Variants in NHP2 observed in about 807,000 individuals in gnomAD.
NHP2 encodes the protein H/ACA ribonucleoprotein complex subunit 2.
In NHP2, 10 loss-of-function variants were observed where a neutral mutation model predicts 16.7. The ratio of observed to expected loss-of-function variants is 0.60; its 90% confidence interval spans 0.37 to 1.01. NHP2 has a LOEUF of 1.01. Among genes scored for constraint, NHP2 ranks in the 50% least tolerant of loss-of-function variants. NHP2 has a pLI of 0.01. For missense variants in NHP2, 184 were observed against 198.3 expected (o/e 0.93, Z 0.43); for synonymous variants, 87 against 78.9 (o/e 1.10, Z -0.54).
rs769920343 is a variant in NHP2 at position 178,153,539 on chromosome 5, C to T, written c.182G>A (p.Arg61Gln). 15 of 1,614,074 alleles carry T rather than the reference C, an allele frequency of 9.3e-6. No homozygotes were observed. The highest frequency in any genetic ancestry group is 5.0e-5 in the Admixed American group (3 of 59,990). The change falls in exon 2 of 4, where the codon CGG becomes CAG. Residue 61 changes from arginine to glutamine, a missense_variant. Transcript: ENST00000274606. ...TTTCTGAACCTCTTTCACCCCGCGC[C>T]GAATCTGCTTCTGCTTCACCGCTGC... is the stretch of plus-strand genomic sequence containing the variant. ...IKKAVKQKQIRRGVKEVQKFV... is the reference protein window; with the variant it reads ...IKKAVKQKQIQRGVKEVQKFV...
chr5:178,151,385 C>T (rs1466562674), intron 2 of NHP2, among the ~76,000 whole-genome samples: 1 of 152,134 alleles, frequency 6.6e-6, no homozygotes, highest in Non-Finnish European at 1.5e-5. Flanking sequence ...GGGGACACCC[C>T]CAAGACCTTG....
At chr5:178,152,427 G>GA (rs1317122768) in intron 2 of NHP2, among the ~76,000 whole-genome samples, 1 of 145,320 alleles carries the variant, frequency 6.9e-6, no homozygotes, top group Admixed American at 7.3e-5. Context: ...TGTGACTGCT[G>GA]AGGGAAACTT....
chr5:178,150,617 A>T (rs2113467469), intron 3 of NHP2: 1 of 617,978 alleles, frequency 1.6e-6, no homozygotes, highest in East Asian at 3.3e-5. Context: ...TCCTGTCCTC[A>T]ACTGATCCTC....
At position 178,149,489 on chromosome 5, in the gene NHP2, A is replaced by G. The variant is rs2113461406; in HGVS notation, c.*224T>C. The G allele has an allele frequency of 1.8e-6, 1 of 545,818 alleles. No homozygotes were observed. Among genetic ancestry groups the G allele is most frequent in the Non-Finnish European group, 3.3e-6 (1 of 300,182 alleles). The allele number at this position is 545,818 out of a possible 1,614,324, so 33.8% of individuals were successfully genotyped here. On this transcript the variant is annotated 3_prime_UTR_variant, in exon 4 of 4. Transcript: ENST00000274606. ...TTTAGTCTTAGCATTTACTTTCCCC[A>G]CCCCACATTCTTGGAACAGCCTTTA...
At chr5:178,153,346 G>A in intron 2 of NHP2, 145 bp downstream of exon 2, 1 of 792,256 alleles carries the variant, frequency 1.3e-6, no homozygotes. Context: ...TACCGGTATT[G>A]TACCAAAGGG....
chr5:178,150,980 C>T lies in NHP2; in HGVS notation c.244G>A (p.Ala82Thr). Residue 82 changes from alanine (A) to threonine (T), a missense_variant, in exon 3 of 4, where the codon GCA becomes ACA. Physicochemically the swap from Ala to Thr is moderately conservative, Grantham distance 58. Transcript: ENST00000274606. ...ACCTCAATGGGCAGTGTGTCTCCTG[C>T]CAAAACCATGATCCTGAAATGAGAG... ...NKGEKGIMVL[A>T]GDTLPIEVYC... The T allele has an allele frequency of 1.9e-6, 3 of 1,613,426 alleles. No homozygotes were observed. The highest frequency in any genetic ancestry group is 1.7e-6 in the Non-Finnish European group (2 of 1,179,746).
At chr5:178,151,118 G>T (rs1756268253) in intron 2 of NHP2, 125 bp from the exon 3 acceptor site, 1 of 811,942 alleles carries the variant, frequency 1.2e-6, no homozygotes. Flanking sequence ...CTATTTGGGG[G>T]TGATCTCTAC....
At chr5:178,151,132 T>G in intron 2 of NHP2, 139 bp from the exon 3 acceptor site, 1 of 761,746 alleles carries the variant, frequency 1.3e-6, no homozygotes, top group Non-Finnish European at 2.3e-6. Flanking sequence ...TCTCTACCTC[T>G]TGGCAACATA....
rs1491337170 is a variant in NHP2 at position 178,151,011 on chromosome 5, ACT to A, written c.231-20_231-19del. ...CCATGATCCTGAAATGAGAGAAAACACTGTCATCTCTGGCTTGCTCCTTCCTT... is the reference window on the plus strand; with the variant it reads ...CCATGATCCTGAAATGAGAGAAAACAGTCATCTCTGGCTTGCTCCTTCCTT... On this transcript the variant is annotated intron_variant, in intron 2 of 3. Coordinates refer to ENST00000274606, the MANE Select transcript of NHP2 (RefSeq NM_017838.4). The A allele has an allele frequency of 5.7e-5, 91 of 1,585,870 alleles. No individual in the cohort carries two copies. In the Admixed American group the frequency reaches 1.5e-3, roughly 26 times the overall value.
rs79031130 is a variant in NHP2 at position 178,153,531 on chromosome 5, C to T, written c.190G>A (p.Val64Met). 566 of 1,614,240 alleles carry T rather than the reference C, an allele frequency of 3.5e-4. No individual in the cohort carries two copies. The highest frequency in any genetic ancestry group is 8.3e-4 in the Admixed American group (50 of 60,028). The change falls in exon 2 of 4, where the codon GTG becomes ATG. Residue 64 changes from valine (V) to methionine (M), a missense_variant. Coordinates refer to ENST00000274606, the MANE Select transcript of NHP2 (RefSeq NM_017838.4). Reference protein sequence around the residue: ...AVKQKQIRRGVKEVQKFVNKG... With the variant: ...AVKQKQIRRGMKEVQKFVNKG... ...TTGACAAATTTCTGAACCTCTTTCA[C>T]CCCGCGCCGAATCTGCTTCTGCTTC... is the stretch of plus-strand genomic sequence containing the variant.
At chr5:178,152,980 C>T (rs1756314894) in intron 2 of NHP2, among the ~76,000 whole-genome samples, 2 of 152,136 alleles carry the variant, frequency 1.3e-5, no homozygotes, top group Admixed American at 1.3e-4. Flanking sequence ...CTCAGCTATT[C>T]GGGAGGCTGA....
At chr5:178,149,902 C>T in intron 3 of NHP2, 64 bp from the exon 4 acceptor site, 1 of 1,572,768 alleles carries the variant, frequency 6.4e-7, no homozygotes, top group Non-Finnish European at 8.7e-7. Flanking sequence ...AGGAAGTCAC[C>T]AACTGATGAC....
chr5:178,153,642 C>T lies in NHP2; in HGVS notation c.160+16G>A, dbSNP rs41285577. On this transcript the variant is annotated intron_variant, in intron 1 of 3. Coordinates refer to ENST00000274606, the MANE Select transcript of NHP2 (RefSeq NM_017838.4). ...CACCCGCGCACCCATCCCGGCCACG[C>T]CGCCGTCCGCCTCACCTTTCTTGAT... 9 of 1,613,670 alleles carry T rather than the reference C, an allele frequency of 5.6e-6. No individual in the cohort carries two copies. Among genetic ancestry groups the T allele is most frequent in the East Asian group, 2.2e-5 (1 of 44,882 alleles).
At chr5:178,151,018 T>C in intron 2 of NHP2, 25 bp from the exon 3 acceptor site, 1 of 1,583,420 alleles carries the variant, frequency 6.3e-7, no homozygotes, top group South Asian at 1.1e-5. Context: ...AACACTGTCA[T>C]CTCTGGCTTG....
At chr5:178,150,105 C>T (rs1277461411) in intron 3 of NHP2, 3 of 363,668 alleles carry the variant, frequency 8.2e-6, no homozygotes, top group Non-Finnish European at 1.5e-5. Context: ...TCCCTGCCAC[C>T]CCCACTTCCT....
intron 2 of NHP2, among the ~76,000 whole-genome samples, chr5:178,151,257 A>C (rs1211421965): frequency 6.6e-6 from 1 of 152,334 alleles, no homozygotes; most frequent in East Asian, 1.9e-4. Context: ...AGGAGGTGAC[A>C]CTTGAACAGC....
chr5:178,153,365 G>T (rs1561645117), intron 2 of NHP2, 126 bp downstream of exon 2: 8 of 911,296 alleles, frequency 8.8e-6, no homozygotes, highest in Non-Finnish European at 1.3e-5. Flanking sequence ...GGACTTTACC[G>T]ACTGCTTGAT....
At chr5:178,150,462 C>G in intron 3 of NHP2, 1 of 354,992 alleles carries the variant, frequency 2.8e-6, no homozygotes, top group South Asian at 2.2e-5. Context: ...CTCACTGCAG[C>G]CTTGAACTCC....
intron 2 of NHP2, 82 bp downstream of exon 2, chr5:178,153,409 C>A (rs910317532): frequency 6.9e-7 from 1 of 1,455,968 alleles, no homozygotes; most frequent in Non-Finnish European, 9.6e-7. Flanking sequence ...TCAGAGTTAA[C>A]CTTTTTACTG....
Sources: allele counts gnomAD v4.1 joint callset (sites outside exome capture counted in the v4.1 genomes callset), GRCh38; gene constraint gnomAD v4.1.1; transcripts MANE v1.5; gene names NCBI Gene and HGNC (gene_info 2026-07-23, HGNC 2026-07-21).